Variants in GRIP1 observed in about 807,000 individuals in gnomAD.
The protein encoded by GRIP1 is glutamate receptor interacting protein 1, also known as glutamate receptor-interacting protein 1.
A neutral mutation model predicts 129.9 loss-of-function variants in GRIP1; 45 were observed. The observed-to-expected ratio is 0.35, with a 90% confidence interval of 0.27 to 0.44. The LOEUF (loss-of-function observed/expected upper bound fraction) is 0.44. Ranked by LOEUF, GRIP1 falls within the 20% of genes least tolerant of loss-of-function variation. The pLI is 1.00. For synonymous variants in GRIP1, 530 were observed against 520.8 expected, an observed-to-expected ratio of 1.02 and a Z score of -0.24; for missense variants, 1,196 against 1,396.8, an observed-to-expected ratio of 0.86 and a Z score of 2.29.
chr12:66,617,365 A>G (rs1390016969), intron 1 of GRIP1, among the ~76,000 whole-genome samples: 1 of 151,566 alleles, frequency 6.6e-6, no homozygotes, highest in Non-Finnish European at 1.5e-5. Flanking sequence ...GACATTATCC[A>G]TCTAATAGGC....
intron 1 of GRIP1, among the ~76,000 whole-genome samples, chr12:66,664,928 A>G (rs1420492099): frequency 2.0e-5 from 3 of 152,046 alleles, no homozygotes; most frequent in Non-Finnish European, 4.4e-5. Flanking sequence ...CCTCAATAGG[A>G]ATTTTTTTTT....
intron 1 of GRIP1, among the ~76,000 whole-genome samples, chr12:66,918,151 G>C (rs1201219814): frequency 6.6e-6 from 1 of 151,934 alleles, no homozygotes; most frequent in Non-Finnish European, 1.5e-5. Flanking sequence ...TACAGTTTGA[G>C]TCCAAAAGCC....
At chr12:66,803,292 C>A (rs1284462650) in intron 1 of GRIP1, among the ~76,000 whole-genome samples, 1 of 152,156 alleles carries the variant, frequency 6.6e-6, no homozygotes, top group South Asian at 2.1e-4. Context: ...ATTTGGGGCA[C>A]ATCATAAACT....
intron 5 of GRIP1, among the ~76,000 whole-genome samples, chr12:66,521,789 G>C (rs1462660815): frequency 1.3e-5 from 2 of 152,164 alleles, no homozygotes; most frequent in Non-Finnish European, 2.9e-5. Context: ...TGGAAAATCG[G>C]GTCACTCCCA....
intron 1 of GRIP1, among the ~76,000 whole-genome samples, chr12:67,009,735 C>T (rs148596490): frequency 6.6e-6 from 1 of 152,104 alleles, no homozygotes; most frequent in Non-Finnish European, 1.5e-5. Flanking sequence ...ATTAGAGCTA[C>T]TCAATAAAGT....
intron 1 of GRIP1, among the ~76,000 whole-genome samples, chr12:66,834,984 T>C (rs2039587665): frequency 6.6e-6 from 1 of 151,432 alleles, no homozygotes; most frequent in Admixed American, 6.6e-5. Flanking sequence ...AGCTACACTT[T>C]ATTAAAATTA....
In GRIP1 at chr12:66,419,404, G is replaced by A. The variant is rs140012308; in HGVS notation, c.1838+1316C>T. Among the ~76,000 whole-genome samples the A allele has an allele frequency of 2.8e-3, 422 of 152,048 alleles. 4 individuals are homozygous for A. The East Asian group carries it at 0.03, about 11-fold the overall frequency. ...TTTGATGGCACAACAGGGTGACTATGGTCAGTAGTAATTTAATTGTACACT... is the reference window on the plus strand; with the variant it reads ...TTTGATGGCACAACAGGGTGACTATAGTCAGTAGTAATTTAATTGTACACT... On this transcript the variant is annotated intron_variant, in intron 15 of 24. Coordinates refer to ENST00000359742, the MANE Select transcript of GRIP1 (RefSeq NM_001366722.1).
chr12:66,910,054 G>T (rs772313123), intron 1 of GRIP1, among the ~76,000 whole-genome samples: 9 of 152,032 alleles, frequency 5.9e-5, no homozygotes, highest in Non-Finnish European at 1.3e-4. Context: ...GGACTTTCAA[G>T]GTTGAAGAGC....
chr12:66,393,416 T>A (rs766682216), intron 17 of GRIP1, among the ~76,000 whole-genome samples: 1 of 152,096 alleles, frequency 6.6e-6, no homozygotes, highest in Non-Finnish European at 1.5e-5. Context: ...TCGTGATCCA[T>A]CTACCTCGGC....
intron 1 of GRIP1, among the ~76,000 whole-genome samples, chr12:66,616,825 T>C (rs564272652): frequency 6.6e-6 from 1 of 152,150 alleles, no homozygotes; most frequent in African/African-American, 2.4e-5. Flanking sequence ...AAGTAGCTGT[T>C]TGAGATTCAC....
intron 1 of GRIP1, among the ~76,000 whole-genome samples, chr12:66,732,961 A>G (rs1186782482): frequency 2.6e-5 from 4 of 152,208 alleles, no homozygotes; most frequent in Non-Finnish European, 4.4e-5. Context: ...CCCAAATTTT[A>G]TCATAATAAA....
intron 1 of GRIP1, among the ~76,000 whole-genome samples, chr12:66,811,497 GACTTC>G (rs148134308): frequency 0.13 from 20,300 of 152,014 alleles, 1,528 homozygotes; most frequent in African/African-American, 0.2. Flanking sequence ...GTAATTGTGA[GACTTC>G]ACGGAATCTA....
rs1165236211 is a variant in GRIP1 at position 66,638,750 on chromosome 12, T to A, written c.55+40100A>T. On this transcript the variant is annotated intron_variant, in intron 1 of 24. Coordinates refer to ENST00000359742, the MANE Select transcript of GRIP1 (RefSeq NM_001366722.1). ...GAGTGTTGGGATCTCATTCTCTCTC[T>A]CTCTCTTTTTTTTGTCTTGGTCTCA... Among the ~76,000 whole-genome samples the A allele has an allele frequency of 5.9e-5, 9 of 152,304 alleles. No individual in the cohort carries two copies. In the East Asian group the frequency reaches 1.5e-3, roughly 26 times the overall value.
intron 2 of GRIP1, among the ~76,000 whole-genome samples, chr12:66,578,920 C>T (rs975695205): frequency 1.5e-4 from 23 of 152,264 alleles, no homozygotes; most frequent in South Asian, 6.2e-4. Context: ...TCTCCCAGCA[C>T]GCAGCTGGAG....
At chr12:66,774,902 T>C (rs572879682) in intron 1 of GRIP1, among the ~76,000 whole-genome samples, 45 of 152,254 alleles carry the variant, frequency 3.0e-4, no homozygotes, top group African/African-American at 7.2e-4. Context: ...CTTTAGAATA[T>C]AGCTCATTAA....
At chr12:66,950,158 A>G (rs2041734588) in intron 1 of GRIP1, among the ~76,000 whole-genome samples, 1 of 152,100 alleles carries the variant, frequency 6.6e-6, no homozygotes, top group South Asian at 2.1e-4. Flanking sequence ...AAACTTTGTG[A>G]TCTCCCTGAC....
chr12:66,761,046 C>T (rs111524941), intron 1 of GRIP1, among the ~76,000 whole-genome samples: 1,992 of 152,138 alleles, frequency 0.013, 52 homozygotes, highest in African/African-American at 0.046. Flanking sequence ...CAACTGACTT[C>T]GCAAAATGGT....
chr12:66,867,152 C>T (rs2137139064), intron 1 of GRIP1, among the ~76,000 whole-genome samples: 1 of 152,160 alleles, frequency 6.6e-6, no homozygotes, highest in Non-Finnish European at 1.5e-5. Context: ...CCACACCTGG[C>T]TAATTTTTGT....
chr12:66,498,875 C>T lies in GRIP1; in HGVS notation c.724+16744G>A, dbSNP rs569789588. 6.6e-5 allele frequency among the ~76,000 whole-genome samples: 10 copies of T among 152,094 alleles called. No individual in the cohort carries two copies. In the South Asian group the frequency reaches 2.1e-3, roughly 32 times the overall value. ...TTGGAGTGAAATAGTCTTTGTACTA[C>T]AAGGAGGAGAAGATTATAAATATTT... On this transcript the variant is annotated intron_variant, in intron 7 of 24. Coordinates refer to ENST00000359742, the MANE Select transcript of GRIP1 (RefSeq NM_001366722.1).
Sources: gnomAD v4.1 joint callset for allele counts (sites outside exome capture counted in the v4.1 genomes callset) on GRCh38, gnomAD v4.1.1 for gene constraint, MANE v1.5 for transcripts, NCBI Gene and HGNC (gene_info 2026-07-23, HGNC 2026-07-21) for gene names.